POLR1B: variants seen among roughly 807,000 people sequenced by gnomAD.
POLR1B encodes the protein DNA-directed RNA polymerase I subunit RPA2.
POLR1B carries 30 observed loss-of-function variants against 105.8 expected under a neutral mutation model. The ratio of observed to expected loss-of-function variants is 0.28; its 90% CI spans 0.21 to 0.38. The LOEUF (loss-of-function observed/expected upper bound fraction) is 0.38, where lower values mean the gene tolerates loss of function less well. Ranked by LOEUF, POLR1B falls within the 10% of genes least tolerant of loss-of-function variation. The pLI is 1.00. For synonymous variants in POLR1B, 485 were observed against 505.1 expected, an observed-to-expected ratio of 0.96 and a Z score of 0.53; for missense variants, 976 against 1,435.8, an observed-to-expected ratio of 0.68 and a Z score of 5.17.
intron 14 of POLR1B, 45 bp downstream of exon 14, chr2:112,573,860 G>A: frequency 6.3e-7 from 1 of 1,591,984 alleles, no homozygotes; most frequent in Non-Finnish European, 8.6e-7. Context: ...TTTTGTTTTT[G>A]TTTTGAGACA....
chr2:112,568,613 TC>T (rs1684426230), intron 11 of POLR1B, 132 bp from the exon 12 acceptor site: 9 of 946,076 alleles, frequency 9.5e-6, no homozygotes, highest in Non-Finnish European at 1.4e-5. Flanking sequence ...TCCCAGTTGA[TC>T]CCTTCAGCAC....
intron 6 of POLR1B, among the ~76,000 whole-genome samples, 151 bp from the exon 7 acceptor site, chr2:112,552,491 ACTT>A (rs770381863): frequency 1.1e-4 from 16 of 152,166 alleles, no homozygotes; most frequent in Non-Finnish European, 2.2e-4. Flanking sequence ...CATGATAAGC[ACTT>A]CAAATGTGGC....
rs551596799 is a variant in POLR1B at position 112,556,852 on chromosome 2, C to T, written c.1159-1058C>T. On this transcript the variant is annotated intron_variant, in intron 7 of 14. Coordinates refer to ENST00000263331, the MANE Select transcript of POLR1B (RefSeq NM_019014.6). ...ACATGTAATAACTGTACATATTTAT[C>T]GGGTATACAGTGATTTTTCCATATA... is the stretch of plus-strand genomic sequence containing the variant. Among the ~76,000 whole-genome samples the T allele has an allele frequency of 6.6e-5, 10 of 152,154 alleles. 1 individual carries two copies. Among genetic ancestry groups the T allele is most frequent in the African/African-American group, 1.4e-4 (6 of 41,502 alleles).
At chr2:112,556,056 A>G (rs749543099) in intron 7 of POLR1B, among the ~76,000 whole-genome samples, 4 of 152,244 alleles carry the variant, frequency 2.6e-5, no homozygotes, top group Non-Finnish European at 5.9e-5. Flanking sequence ...ACACAAACAA[A>G]TCAGTTGTCA....
intron 9 of POLR1B, among the ~76,000 whole-genome samples, chr2:112,561,891 C>T (rs949247973): frequency 2.0e-5 from 3 of 152,036 alleles, no homozygotes; most frequent in Non-Finnish European, 2.9e-5. Context: ...AGGCTGGTCT[C>T]GAACTCCTGG....
At chr2:112,545,112 G>GT (rs1242267447) in intron 1 of POLR1B, among the ~76,000 whole-genome samples, 1 of 152,158 alleles carries the variant, frequency 6.6e-6, no homozygotes, top group East Asian at 1.9e-4. Context: ...TGATTTTGCT[G>GT]TTTAAAATGT....
At chr2:112,564,853 A>T (rs575966332) in intron 10 of POLR1B, among the ~76,000 whole-genome samples, 1 of 152,342 alleles carries the variant, frequency 6.6e-6, no homozygotes, top group East Asian at 1.9e-4. Flanking sequence ...GCAAGGTAGA[A>T]GTTATACCCC....
At chr2:112,542,364 G>C, upstream of POLR1B, 10 of 1,586,844 alleles carry the variant, frequency 6.3e-6, no homozygotes, top group Non-Finnish European at 8.5e-6. Context: ...CCTAGGGCGG[G>C]TGGAACGAGA....
chr2:112,546,854 C>T (rs1235699436), intron 1 of POLR1B, 158 bp from the exon 2 acceptor site: 5 of 693,138 alleles, frequency 7.2e-6, no homozygotes, highest in South Asian at 1.9e-5. Context: ...TGAACCACTG[C>T]GCCCGGCCAA....
Position 112,575,886 on chromosome 2 carries a change from A to G in POLR1B, c.*157A>G. The G allele has an allele frequency of 1.4e-6, 1 of 696,234 alleles. No individual in the cohort carries two copies. The allele number at this position is 696,234 out of a possible 1,614,324, so 43.1% of individuals were successfully genotyped here. ...AAAACCAAGTATGCAAGGTTTCTGA[A>G]TCTCTCTGGTAGATTAACTATTGAC... On this transcript the variant is annotated 3_prime_UTR_variant, in exon 15 of 15. Coordinates refer to ENST00000263331, the MANE Select transcript of POLR1B (RefSeq NM_019014.6). This position sits in a 1 kb window ranked among gnomAD's most constrained non-coding sequence, Gnocchi z 5.3.
chr2:112,552,612 GT>G, intron 6 of POLR1B, 32 bp from the exon 7 acceptor site: 1 of 1,475,224 alleles, frequency 6.8e-7, no homozygotes, highest in South Asian at 1.3e-5. Flanking sequence ...CAACTGAATT[GT>G]TTTAAGCTTT....
At position 112,555,214 on chromosome 2, in the gene POLR1B, A is replaced by G. The variant is rs147182020; in HGVS notation, c.1158+2398A>G. On this transcript the variant is annotated intron_variant, in intron 7 of 14. Transcript: ENST00000263331. ...ACCTGTTAGCTGGGCATGGTGGTAC[A>G]TGACTGTGGTCCCAGCCACTTGGGA... is the stretch of plus-strand genomic sequence containing the variant. Among the ~76,000 whole-genome samples the G allele has an allele frequency of 3.8e-3, 576 of 151,558 alleles. 4 individuals are homozygous for G. The highest frequency in any genetic ancestry group is 0.013 in the African/African-American group (551 of 41,320).
chr2:112,558,336 G>A (rs1256385739), intron 8 of POLR1B, among the ~76,000 whole-genome samples: 2 of 152,160 alleles, frequency 1.3e-5, no homozygotes, highest in Non-Finnish European at 2.9e-5. Flanking sequence ...TCTGAGGAAG[G>A]CTTACCTAAC....
At chr2:112,542,816 C>G (rs1388374883) in intron 1 of POLR1B, 145 bp downstream of exon 1, 15 of 1,052,938 alleles carry the variant, frequency 1.4e-5, no homozygotes, top group Non-Finnish European at 2.0e-5. Flanking sequence ...ACATGTTAAA[C>G]AGGACGCGGT....
At chr2:112,542,141 T>G (rs369658545), upstream of POLR1B, 240 of 1,535,438 alleles carry the variant, frequency 1.6e-4, 1 homozygote, top group African/African-American at 2.1e-3. Context: ...CGATCCTAAT[T>G]GACTGAGCCA....
Position 112,564,500 on chromosome 2 carries a change from G to A in POLR1B, c.1746+1G>A. 6.2e-6 allele frequency: 10 copies of A among 1,614,232 alleles called. No individual in the cohort carries two copies. Among genetic ancestry groups the A allele is most frequent in the Non-Finnish European group, 8.5e-6 (10 of 1,180,024 alleles). ...CGCAGATTCTCTTCGTCATTTTAAGGTGGGCTTGAGGCTTTGTGAATTGTC... is the reference window on the plus strand; with the variant it reads ...CGCAGATTCTCTTCGTCATTTTAAGATGGGCTTGAGGCTTTGTGAATTGTC... On this transcript the variant is annotated splice_donor_variant, in intron 10 of 14. Transcript: ENST00000263331. LOFTEE classifies it high-confidence loss of function.
At position 112,578,265 on chromosome 2, in the gene POLR1B, A is replaced by C. The variant is rs1220482532; in HGVS notation, c.*2536A>C. On this transcript the variant is annotated 3_prime_UTR_variant, in exon 15 of 15. Coordinates refer to ENST00000263331, the MANE Select transcript of POLR1B (RefSeq NM_019014.6). ...TGTAGATGGATGAAAACAGCAACATAAGCAAGATACAGAGCTGTTCCGTCA... is the reference window on the plus strand; with the variant it reads ...TGTAGATGGATGAAAACAGCAACATCAGCAAGATACAGAGCTGTTCCGTCA... Among the ~76,000 whole-genome samples the C allele has an allele frequency of 6.6e-6, 1 of 152,102 alleles. No homozygotes were observed. Among genetic ancestry groups the C allele is most frequent in the Non-Finnish European group, 1.5e-5 (1 of 68,024 alleles).
chr2:112,545,018 G>A (rs146934396), intron 1 of POLR1B, among the ~76,000 whole-genome samples: 2 of 152,138 alleles, frequency 1.3e-5, no homozygotes, highest in African/African-American at 4.8e-5. Context: ...GGTGATGCTC[G>A]GCCTTCTTGT....
At chr2:112,552,847 G>C in intron 7 of POLR1B, 31 bp downstream of exon 7, 1 of 1,489,192 alleles carries the variant, frequency 6.7e-7, no homozygotes. Context: ...CCCTTGGCCA[G>C]TGGTACCACT....
Sources: allele counts gnomAD v4.1 joint callset (sites outside exome capture counted in the v4.1 genomes callset), GRCh38; gene constraint gnomAD v4.1.1; non-coding constraint Gnocchi (gnomAD v3.1); transcripts MANE v1.5; gene names NCBI Gene and HGNC (gene_info 2026-07-23, HGNC 2026-07-21).